DNAH7: variants seen among roughly 807,000 people sequenced by gnomAD.
DNAH7 encodes the protein axonemal beta dynein heavy chain 7.
DNAH7 carries 397 observed loss-of-function variants against 444.6 expected under a neutral mutation model. The ratio of observed to expected loss-of-function variants is 0.89; its 90% CI spans 0.82 to 0.97. The LOEUF (loss-of-function observed/expected upper bound fraction) is 0.97. Ranked by LOEUF, DNAH7 falls within the 50% of genes least tolerant of loss-of-function variation. DNAH7 has a pLI of 0.00. For synonymous variants in DNAH7, 1,636 were observed against 1,624.4 expected (o/e 1.01, Z -0.17); for missense variants, 4,902 against 4,800.8 (o/e 1.02, Z -0.62).
chr2:195,969,814 G>T, intron 17 of DNAH7, 134 bp downstream of exon 17: 1 of 873,056 alleles, frequency 1.1e-6, no homozygotes, highest in Non-Finnish European at 1.7e-6. Context: ...ATCTATTTGT[G>T]TCATTCTATT....
intron 61 of DNAH7, among the ~76,000 whole-genome samples, chr2:195,759,073 T>G (rs62201472): frequency 0.15 from 23,348 of 151,892 alleles, 2,149 homozygotes; most frequent in African/African-American, 0.25. Context: ...GTTAATAGAG[T>G]GCTTGCACCA....
intron 19 of DNAH7, among the ~76,000 whole-genome samples, chr2:195,946,246 A>G (rs1473642694): frequency 6.6e-6 from 1 of 152,160 alleles, no homozygotes; most frequent in Non-Finnish European, 1.5e-5. Flanking sequence ...ATTTTTTCCC[A>G]TAACCTAATC....
intron 63 of DNAH7, among the ~76,000 whole-genome samples, chr2:195,742,651 G>C (rs943426672): frequency 5.9e-5 from 9 of 152,146 alleles, no homozygotes; most frequent in African/African-American, 2.2e-4. Context: ...CAGCTGTCCT[G>C]CTCTATGAGT....
intron 5 of DNAH7, among the ~76,000 whole-genome samples, chr2:196,031,864 A>G (rs1052859091): frequency 1.3e-5 from 2 of 152,050 alleles, no homozygotes; most frequent in Admixed American, 6.5e-5. Flanking sequence ...ACATTTTCCT[A>G]TCTTTTTCTG....
chr2:195,821,452 C>G (rs1367430266), intron 49 of DNAH7, among the ~76,000 whole-genome samples: 2 of 152,306 alleles, frequency 1.3e-5, no homozygotes, highest in East Asian at 3.9e-4. Flanking sequence ...GCTGACATAT[C>G]TAACTTCTTA....
intron 27 of DNAH7, chr2:195,900,737 C>A: frequency 2.8e-6 from 1 of 356,052 alleles, no homozygotes; most frequent in Admixed American, 4.3e-5. Context: ...TACTGTAGCA[C>A]TGTGGGGTGA....
chr2:195,884,520 T>C (rs1381385866), intron 35 of DNAH7, 65 bp downstream of exon 35: 13 of 1,187,766 alleles, frequency 1.1e-5, no homozygotes, highest in Middle Eastern at 1.9e-4. Context: ...GGCCATTATA[T>C]GCTATGTGTC....
At chr2:195,839,058 A>G (rs1221594727) in intron 47 of DNAH7, among the ~76,000 whole-genome samples, 1 of 151,950 alleles carries the variant, frequency 6.6e-6, no homozygotes, top group East Asian at 1.9e-4. Flanking sequence ...CATTCACTCA[A>G]TAATAGCAGG....
intron 15 of DNAH7, among the ~76,000 whole-genome samples, chr2:195,976,743 C>CAGATAGAGAGAGAG (rs1692212889): frequency 5.4e-5 from 1 of 18,350 alleles, no homozygotes; most frequent in South Asian, 2.8e-3. Context: ...GACAGAGAGG[C>CAGATAGAGAGAGAG]AGACAGAGAG....
At chr2:195,880,629 C>T (rs976935757) in intron 36 of DNAH7, among the ~76,000 whole-genome samples, 1 of 152,056 alleles carries the variant, frequency 6.6e-6, no homozygotes, top group Non-Finnish European at 1.5e-5. Context: ...TGAGCCACTG[C>T]GCCCGGCCTG....
At chr2:196,061,738 G>GATCA (rs1272723457) in intron 1 of DNAH7, among the ~76,000 whole-genome samples, 1 of 152,092 alleles carries the variant, frequency 6.6e-6, no homozygotes, top group African/African-American at 2.4e-5. Flanking sequence ...AAGAATGGGG[G>GATCA]ATCAAGAAAG....
chr2:195,855,860 T>C lies in DNAH7; in HGVS notation c.8546A>G (p.Gln2849Arg), dbSNP rs770671884. 1.1e-5 allele frequency: 18 copies of C among 1,613,962 alleles called. No individual in the cohort carries two copies. In the East Asian group the frequency reaches 4.0e-4, roughly 36 times the overall value. The change falls in exon 45 of 65, where the codon CAA becomes CGA. Residue 2849 changes from glutamine to arginine, a missense_variant. Transcript: ENST00000312428. The part of the protein sequence containing the change: ...KEVQDKLARL[Q>R]DTLELNKQKK... ...TTGTTTATTTAATTCAAGTGTGTCT[T>C]GAAGCCTGGCCAGCTTGTCCTGAAC... is the stretch of plus-strand genomic sequence containing the variant.
intron 46 of DNAH7, among the ~76,000 whole-genome samples, chr2:195,846,263 C>T (rs1698991270): frequency 6.6e-6 from 1 of 152,152 alleles, no homozygotes; most frequent in Non-Finnish European, 1.5e-5. Context: ...AAAAAATGCT[C>T]AACATCGCTA....
chr2:195,977,250 A>AAC, intron 15 of DNAH7, among the ~76,000 whole-genome samples: 1 of 152,262 alleles, frequency 6.6e-6, no homozygotes, highest in East Asian at 1.9e-4. Flanking sequence ...AATTCAAGAT[A>AAC]ACACCATGAA....
At chr2:196,049,050 TTGC>T (rs1444443652) in intron 3 of DNAH7, among the ~76,000 whole-genome samples, 1 of 152,212 alleles carries the variant, frequency 6.6e-6, no homozygotes, top group Non-Finnish European at 1.5e-5. Flanking sequence ...AAACCTACTG[TTGC>T]TGAAGCCTAT....
At chr2:195,988,618 G>C (rs760140306) in intron 12 of DNAH7, among the ~76,000 whole-genome samples, 13 of 151,994 alleles carry the variant, frequency 8.6e-5, no homozygotes, top group Middle Eastern at 3.2e-3. Context: ...TGTATACATT[G>C]TGTATTGATC....
At chr2:195,806,519 A>C (rs1382390220) in intron 54 of DNAH7, among the ~76,000 whole-genome samples, 1 of 152,192 alleles carries the variant, frequency 6.6e-6, no homozygotes, top group Admixed American at 6.5e-5. Flanking sequence ...TCACAAAATA[A>C]ATAAAATTAT....
chr2:195,865,053 C>G, intron 40 of DNAH7, 32 bp from the exon 41 acceptor site: 1 of 1,524,818 alleles, frequency 6.6e-7, no homozygotes, highest in East Asian at 2.3e-5. Flanking sequence ...GCTTTAGAAA[C>G]TTTCTTCTGA....
At position 195,895,021 on chromosome 2, in the gene DNAH7, A is replaced by G. The variant is rs1315971330; in HGVS notation, c.4851T>C (p.Ser1617=). 3 of 1,612,814 alleles carry G rather than the reference A, an allele frequency of 1.9e-6. No homozygotes were observed. The highest frequency in any genetic ancestry group is 2.7e-5 in the African/African-American group (2 of 74,920). ...IVGEPFGGKT[S]AYRVLAGALN... is the part of the protein sequence containing the mutation. The stretch of plus-strand genomic sequence containing the variant: ...GTGCTCCAGCTAAGACACGATATGC[A>G]CTAGTTTTTCCTCCAAATGGTTCTC... The change falls in exon 30 of 65, where the codon AGT becomes AGC. Residue 1617 remains serine, a synonymous_variant. Coordinates refer to ENST00000312428, the MANE Select transcript of DNAH7 (RefSeq NM_018897.3).
Sources: gnomAD v4.1 joint callset for allele counts (sites outside exome capture counted in the v4.1 genomes callset) on GRCh38, gnomAD v4.1.1 for gene constraint, MANE v1.5 for transcripts, NCBI Gene and HGNC (gene_info 2026-07-23, HGNC 2026-07-21) for gene names.